TOR2A: variants seen among roughly 807,000 people sequenced by gnomAD.
TOR2A encodes the protein torsin family 2 member A, also known as prosalusin.
In TOR2A, 24 loss-of-function variants were observed where a neutral mutation model predicts 28.6. That is an observed-to-expected ratio of 0.84 (90% confidence interval 0.61 to 1.18). The LOEUF (loss-of-function observed/expected upper bound fraction) is 1.18. Among genes scored for constraint, TOR2A ranks in the 50% most tolerant of loss-of-function variants. The pLI is 0.00. For synonymous variants in TOR2A, 203 were observed against 203.1 expected (o/e 1.00, Z 0.00); for missense variants, 426 against 448.1 (o/e 0.95, Z 0.45).
intron 1 of TOR2A, 136 bp downstream of exon 1, chr9:127,734,984 C>A (rs1376796504): frequency 2.4e-6 from 3 of 1,260,636 alleles, no homozygotes; most frequent in East Asian, 3.2e-5. Flanking sequence ...CCCAAGTCTG[C>A]GGGCCCCGCC....
intron 3 of TOR2A, chr9:127,733,031 G>A (rs1844524518): frequency 1.3e-5 from 18 of 1,408,778 alleles, no homozygotes; most frequent in Non-Finnish European, 1.7e-5. Context: ...CATGCTGCCT[G>A]AGGAAACACA....
At chr9:127,733,011 G>C (rs1844521702) in intron 3 of TOR2A, 1 of 1,383,114 alleles carries the variant, frequency 7.2e-7, no homozygotes, top group African/African-American at 1.5e-5. Context: ...GAGGCTCAGA[G>C]AGGCGGAGCC....
Position 127,732,262 on chromosome 9 carries a change from C to T in TOR2A, c.738G>A (p.Ser246=), listed in dbSNP as rs1403060514. The T allele has an allele frequency of 5.1e-6, 8 of 1,581,852 alleles. No homozygotes were observed. The highest frequency in any genetic ancestry group is 6.9e-6 in the Non-Finnish European group (8 of 1,159,878). Reference sequence around the variant, plus strand: ...CTAGGAGGCGCTCTTCCATGATGCCCGAGTTTGAGAAGCCATCTGCAGGAA... The same window carrying T: ...CTAGGAGGCGCTCTTCCATGATGCCTGAGTTTGAGAAGCCATCTGCAGGAA... The part of the protein sequence containing the change: ...LDNPHHGFSN[S]GIMEERLLDA... The change falls in exon 5 of 5, where the codon TCG becomes TCA. Residue 246 remains serine, a synonymous_variant. Transcript: ENST00000373284.
At position 127,735,202 on chromosome 9, in the gene TOR2A, G is replaced by A. The variant is rs564688175; in HGVS notation, c.69C>T (p.Ala23=). ...AAGCCAGGTCCCAGGCGGCGGCCGCGGCCGAGACCAGCCCGAGCAGCCCGA... is the reference window on the plus strand; with the variant it reads ...AAGCCAGGTCCCAGGCGGCGGCCGCAGCCGAGACCAGCCCGAGCAGCCCGA... ...SLLGLLGLVS[A]AAAAWDLASL... Residue 23 remains alanine, a synonymous_variant, in exon 1 of 5, where the codon GCC becomes GCT. Coordinates refer to ENST00000373284, the MANE Select transcript of TOR2A (RefSeq NM_001085347.3). 2.0e-6 allele frequency: 3 copies of A among 1,480,238 alleles called. No homozygotes were observed. Among genetic ancestry groups the A allele is most frequent in the South Asian group, 2.6e-5 (2 of 78,314 alleles). 91.7% of individuals were successfully genotyped at this position (1,480,238 alleles called of 1,614,324 possible).
chr9:127,734,389 G>A lies in TOR2A; in HGVS notation c.327C>T (p.Tyr109=), dbSNP rs775680759. ...GGCTGCGGAGGCCGCCCTGGAAGAG[G>A]TAGTGCGCCAGCAGGGAGCTGACAT... ...KSYVSSLLAH[Y]LFQGGLRSPR... The change falls in exon 2 of 5, where the codon TAC becomes TAT. Residue 109 remains tyrosine (Y), a synonymous_variant. Transcript: ENST00000373284. The A allele has an allele frequency of 1.2e-5, 20 of 1,612,594 alleles. No homozygotes were observed. The highest frequency in any genetic ancestry group is 1.7e-4 in the Middle Eastern group (1 of 6,060).
chr9:127,733,081 T>C lies in TOR2A; in HGVS notation c.593+304A>G. The C allele has an allele frequency of 3.4e-6, 5 of 1,473,666 alleles. No individual in the cohort carries two copies. The South Asian group carries it at 5.7e-5, about 17-fold the overall frequency. The allele number at this position is 1,473,666 out of a possible 1,614,324, so 91.3% of individuals were successfully genotyped here. A position where few individuals can be genotyped will look rare whatever the true frequency, so the allele number is the denominator to read the frequency against. On this transcript the variant is annotated intron_variant, in intron 3 of 4. Transcript: ENST00000373284. ...AGCTGGGACTAAAGGACAAGAACTC[T>C]GTTCCTATTTTTCCCAGGCCTGTGT...
chr9:127,734,186 G>T (rs1844586905), intron 2 of TOR2A, 113 bp downstream of exon 2: 2 of 1,373,718 alleles, frequency 1.5e-6, no homozygotes, highest in Admixed American at 2.9e-5. Flanking sequence ...TGAGGGCTGG[G>T]GCTGCAGCCG....
At chr9:127,732,802 G>A in intron 3 of TOR2A, 111 bp from the exon 4 acceptor site, 1 of 1,464,586 alleles carries the variant, frequency 6.8e-7, no homozygotes, top group East Asian at 2.5e-5. Context: ...TCAGTGCGGG[G>A]AGGAGCCAAC....
At chr9:127,732,889 T>C in intron 3 of TOR2A, 198 bp from the exon 4 acceptor site, 3 of 1,421,040 alleles carry the variant, frequency 2.1e-6, no homozygotes, top group Non-Finnish European at 2.7e-6. Flanking sequence ...ACATGCCACG[T>C]ACTTTATAGT....
Position 127,732,388 on chromosome 9 carries a change from G to A in TOR2A, c.722-110C>T, listed in dbSNP as rs534652. 0.59 allele frequency: 858,463 copies of A among 1,462,444 alleles called. 255,700 individuals are homozygous for A. Among genetic ancestry groups the A allele is most frequent in the African/African-American group, 0.74 (51,955 of 70,584 alleles). 90.6% of individuals were successfully genotyped at this position (1,462,444 alleles called of 1,614,324 possible). On this transcript the variant is annotated intron_variant, in intron 4 of 4. Coordinates refer to ENST00000373284, the MANE Select transcript of TOR2A (RefSeq NM_001085347.3). ...AATGCTGGCCTCAGTTCCCTCAGCC[G>A]CCTTCTGGGTGTAGGACTCAGGGGC...
At chr9:127,732,470 C>G in intron 4 of TOR2A, 94 bp downstream of exon 4, 1 of 1,462,082 alleles carries the variant, frequency 6.8e-7, no homozygotes, top group Non-Finnish European at 9.0e-7. Context: ...CTCAGAACTG[C>G]CGGGTCAGTG....
chr9:127,735,010 C>T, intron 1 of TOR2A, 110 bp downstream of exon 1: 1 of 1,324,250 alleles, frequency 7.6e-7, no homozygotes, highest in Non-Finnish European at 9.6e-7. Flanking sequence ...GTCCCACCCT[C>T]TGGGTCCTCA....
chr9:127,734,948 G>A, intron 1 of TOR2A, 172 bp downstream of exon 1: 1 of 1,031,058 alleles, frequency 9.7e-7, no homozygotes, highest in East Asian at 3.3e-5. Flanking sequence ...AGGGCCTCCT[G>A]GACCTCAACG....
rs778844458 is a variant in TOR2A at position 127,733,524 on chromosome 9, C to A, written c.454G>T (p.Ala152Ser). Residue 152 changes from alanine to serine, a missense_variant, in exon 3 of 5, where the codon GCC becomes TCC. Ala to Ser is a moderately conservative substitution (Grantham distance 99). Transcript: ENST00000373284. ...LKSWVQGNLTACGRSLFLFDE... is the reference protein window; with the variant it reads ...LKSWVQGNLTSCGRSLFLFDE... ...AAGAGGAAGAGGGAGCGGCCACAGG[C>A]AGTGAGGTTCCCTTGGACCCAGCTC... is the stretch of plus-strand genomic sequence containing the variant. 28 of 1,613,500 alleles carry A rather than the reference C, an allele frequency of 1.7e-5. 1 individual carries two copies. In the South Asian group the frequency reaches 3.1e-4, roughly 18 times the overall value.
rs528717082 is a variant in TOR2A, at chr9:127,732,635, C to T, written c.650G>A (p.Arg217Gln). Residue 217 changes from arginine (R) to glutamine (Q), a missense_variant, in exon 4 of 5, where the codon CGG becomes CAG. Physicochemically the swap from Arg to Gln is conservative, Grantham distance 43. Transcript: ENST00000373284. ...CTGCAGGAGGATCTCCTCGCGGTCC[C>T]GCCGGCTGCGCCACGCCTCCAATGC... Reference protein sequence around the residue: ...QVALEAWRSRRDREEILLQEL... With the variant: ...QVALEAWRSRQDREEILLQEL... 18 of 1,572,380 alleles carry T rather than the reference C, an allele frequency of 1.1e-5. No homozygotes were observed. The East Asian group carries it at 2.8e-4, about 24-fold the overall frequency.
Position 127,731,843 on chromosome 9 carries a change from C to T in TOR2A, c.*191G>A, listed in dbSNP as rs918039486. The T allele has an allele frequency of 1.0e-5, 13 of 1,245,966 alleles. No homozygotes were observed. In the African/African-American group the frequency reaches 1.4e-4, roughly 13 times the overall value. The allele number at this position is 1,245,966 out of a possible 1,614,324, so 77.2% of individuals were successfully genotyped here. On this transcript the variant is annotated 3_prime_UTR_variant, in exon 5 of 5. Transcript: ENST00000373284. ...GGTTCTGGGGTGACCAGGGGTTTCCCTGGGGAAGGTGGCCGGGGCCAAGAT... is the reference window on the plus strand; with the variant it reads ...GGTTCTGGGGTGACCAGGGGTTTCCTTGGGGAAGGTGGCCGGGGCCAAGAT...
chr9:127,735,071 G>T, intron 1 of TOR2A, 49 bp downstream of exon 1: 1 of 1,388,528 alleles, frequency 7.2e-7, no homozygotes, highest in South Asian at 1.6e-5. Flanking sequence ...GCGCTCCCGC[G>T]TCTGCCCGCG....
chr9:127,735,042 CGGGCTCCCA>C (rs1373175446), intron 1 of TOR2A, 69 bp downstream of exon 1: 4 of 1,361,300 alleles, frequency 2.9e-6, no homozygotes, highest in South Asian at 1.7e-5. Context: ...CGGCGCCAGC[CGGGCTCCCA>C]GGGCTCCCAG....
At chr9:127,732,319 A>G in intron 4 of TOR2A, 41 bp from the exon 5 acceptor site, 2 of 1,528,406 alleles carry the variant, frequency 1.3e-6, no homozygotes, top group South Asian at 1.3e-5. Flanking sequence ...TGTGCTTCAC[A>G]AGAGGGGAGA....
Sources: allele counts gnomAD v4.1 joint callset, GRCh38; gene constraint gnomAD v4.1.1; transcripts MANE v1.5; gene names NCBI Gene and HGNC (gene_info 2026-07-23, HGNC 2026-07-21).